Variants in ANK3 observed in about 807,000 individuals in gnomAD.
The protein encoded by ANK3 is ankyrin 3, also known as ankyrin-3.
A neutral mutation model predicts 370.9 loss-of-function variants in ANK3; 57 were observed. That is an observed-to-expected ratio of 0.15 (90% CI 0.12 to 0.19). The LOEUF is 0.19. Ranked by LOEUF, ANK3 falls within the 10% of genes least tolerant of loss-of-function variation. The pLI is 1.00. For synonymous variants in ANK3, 1,929 were observed against 1,946.3 expected (o/e 0.99, Z 0.23); for missense variants, 4,439 against 5,302.1 (o/e 0.84, Z 5.06).
intron 2 of ANK3, among the ~76,000 whole-genome samples, chr10:60,593,718 G>C (rs1480923287): frequency 6.6e-6 from 1 of 152,104 alleles, no homozygotes; most frequent in African/African-American, 2.4e-5. Flanking sequence ...TGATGAAAGG[G>C]CTCTAAGAAA....
chr10:60,596,416 C>T (rs1472283871), intron 2 of ANK3, among the ~76,000 whole-genome samples: 1 of 152,084 alleles, frequency 6.6e-6, no homozygotes, highest in African/African-American at 2.4e-5. Flanking sequence ...TATGCATGCC[C>T]TAATCAAACA....
intron 1 of ANK3, among the ~76,000 whole-genome samples, chr10:60,288,889 A>AACACACACACACACACACACACACACAC (rs35560146): frequency 4.3e-5 from 6 of 139,250 alleles, no homozygotes; most frequent in African/African-American, 1.4e-4. Flanking sequence ...AGGTAGGAAT[A>AACACACACACACACACACACACACACAC]ACACACACAC....
chr10:60,067,066 T>A (rs1244217401), intron 38 of ANK3, among the ~76,000 whole-genome samples: 1 of 152,106 alleles, frequency 6.6e-6, no homozygotes, highest in African/African-American at 2.4e-5. Flanking sequence ...ACGACAGGCA[T>A]GCACCACCAC....
intron 8 of ANK3, among the ~76,000 whole-genome samples, chr10:60,230,035 C>A (rs201942774): frequency 6.6e-6 from 1 of 152,074 alleles, no homozygotes; most frequent in Non-Finnish European, 1.5e-5. Context: ...CCAACACTAC[C>A]GGGGATTCTG....
chr10:60,642,636 G>GA (rs2078650684), intron 1 of ANK3, among the ~76,000 whole-genome samples: 1 of 98,656 alleles, frequency 1.0e-5, no homozygotes, highest in Non-Finnish European at 2.3e-5. Context: ...CTGTTGTGGG[G>GA]TGGGGGGGCG....
chr10:60,712,266 T>C (rs1345696717), intron 1 of ANK3, among the ~76,000 whole-genome samples: 1 of 152,252 alleles, frequency 6.6e-6, no homozygotes, highest in Non-Finnish European at 1.5e-5. Context: ...GATTATAGCT[T>C]ATCCTGCTGG....
chr10:60,444,052 T>C (rs2064370674), intron 2 of ANK3, among the ~76,000 whole-genome samples: 2 of 152,130 alleles, frequency 1.3e-5, no homozygotes, highest in African/African-American at 4.8e-5. Flanking sequence ...GTCAGAATTT[T>C]CATTAAAAAA....
Position 60,131,677 on chromosome 10 carries a change from C to T in ANK3, c.2841+2594G>A, listed in dbSNP as rs531205193. 3.3e-5 allele frequency among the ~76,000 whole-genome samples: 5 copies of T among 152,232 alleles called. No homozygotes were observed. In the South Asian group the frequency reaches 8.3e-4, roughly 25 times the overall value. ...TGGTTAATAGGCAATGGTGTGAGAA[C>T]CCTCAGAAGCCATTTTATAGCACCA... On this transcript the variant is annotated intron_variant, in intron 25 of 43. Coordinates refer to ENST00000280772, the MANE Select transcript of ANK3 (RefSeq NM_020987.5).
intron 1 of ANK3, among the ~76,000 whole-genome samples, chr10:60,647,267 A>G (rs564367415): frequency 6.6e-6 from 1 of 152,234 alleles, no homozygotes; most frequent in East Asian, 1.9e-4. Flanking sequence ...GAAATTGCTC[A>G]GATCTCATTT....
At chr10:60,602,909 A>G (rs1035326893) in intron 2 of ANK3, among the ~76,000 whole-genome samples, 9 of 152,166 alleles carry the variant, frequency 5.9e-5, no homozygotes, top group Non-Finnish European at 1.2e-4. Flanking sequence ...AATGATTTCA[A>G]TATAATTTCT....
chr10:60,222,472 C>G (rs772348293), intron 8 of ANK3, among the ~76,000 whole-genome samples: 2 of 151,536 alleles, frequency 1.3e-5, no homozygotes, highest in Admixed American at 1.3e-4. Context: ...TTCCACTTCA[C>G]TCCACTTTTT....
rs398013720 is a variant in ANK3 at position 60,724,209 on chromosome 10, CA to C, written c.57+9053del. On this transcript the variant is annotated intron_variant, in intron 1 of 43. Transcript: ENST00000373827. ...TGGGCGACAGAGCAAGACTCCGTCT[CA>C]AAAAAAAAAAAAAAAAAAAAAAGAA... 5.3e-4 allele frequency among the ~76,000 whole-genome samples: 29 copies of C among 54,606 alleles called. No homozygotes were observed. The East Asian group carries it at 6.2e-3, about 12-fold the overall frequency. The allele number at this position is 54,606 out of a possible 152,430, so 35.8% of individuals were successfully genotyped here. A position where few individuals can be genotyped will look rare whatever the true frequency, so the allele number is the denominator to read the frequency against.
intron 2 of ANK3, among the ~76,000 whole-genome samples, chr10:60,576,997 C>T (rs1025655372): frequency 1.4e-4 from 21 of 152,134 alleles, no homozygotes; most frequent in Non-Finnish European, 2.8e-4. Flanking sequence ...ACAAACTTGT[C>T]CTTAATAGTT....
chr10:60,264,411 A>G (rs2097849743), intron 5 of ANK3, among the ~76,000 whole-genome samples: 1 of 152,060 alleles, frequency 6.6e-6, no homozygotes, highest in African/African-American at 2.4e-5. Flanking sequence ...TTTGGGAGGC[A>G]GAGGCGGCCA....
At chr10:60,248,203 A>G (rs1332041265) in intron 7 of ANK3, among the ~76,000 whole-genome samples, 2 of 152,182 alleles carry the variant, frequency 1.3e-5, no homozygotes, top group Non-Finnish European at 2.9e-5. Context: ...CAGAAGTGGA[A>G]CTGCTGGATC....
chr10:60,101,989 G>C (rs2091338329), intron 28 of ANK3, among the ~76,000 whole-genome samples: 1 of 151,932 alleles, frequency 6.6e-6, no homozygotes, highest in African/African-American at 2.4e-5. Context: ...ACTAGGTGTG[G>C]AGTCAGAAGT....
intron 2 of ANK3, among the ~76,000 whole-genome samples, chr10:60,594,647 A>C (rs992719906): frequency 1.3e-5 from 2 of 152,186 alleles, no homozygotes; most frequent in African/African-American, 2.4e-5. Flanking sequence ...AATATATATA[A>C]GAAAAGTAAA....
chr10:60,234,509 T>C (rs911244183), intron 8 of ANK3, among the ~76,000 whole-genome samples, 179 bp downstream of exon 8: 29 of 152,220 alleles, frequency 1.9e-4, no homozygotes, highest in African/African-American at 7.0e-4. Flanking sequence ...TAAGTATTTA[T>C]AAATATAGAT....
In ANK3 at chr10:60,645,750, T is replaced by TA. The variant is rs759865751; in HGVS notation, c.58-30527dup. ...AAGAGAAAAAGAAAAAAGAAAATAA[T>TA]AAAAAAAAAATGTTTCTGAAGTTCC... On this transcript the variant is annotated intron_variant, in intron 1 of 43. Coordinates refer to the ANK3 transcript ENST00000373827. 9.1e-4 allele frequency among the ~76,000 whole-genome samples: 135 copies of TA among 149,038 alleles called. 1 individual carries two copies. The highest frequency in any genetic ancestry group is 2.2e-3 in the African/African-American group (88 of 40,584).
Sources: gnomAD v4.1 joint callset for allele counts (sites outside exome capture counted in the v4.1 genomes callset) on GRCh38, gnomAD v4.1.1 for gene constraint, MANE v1.5 for transcripts, NCBI Gene and HGNC (gene_info 2026-07-23, HGNC 2026-07-21) for gene names.